Variants in SNX24 observed in about 807,000 individuals in gnomAD.
SNX24 encodes sorting nexin-24.
A neutral mutation model predicts 28.7 loss-of-function variants in SNX24; 22 were observed. The observed-to-expected ratio is 0.77, with a 90% CI of 0.55 to 1.10. SNX24 has a LOEUF of 1.10. Among genes scored for constraint, SNX24 ranks in the 50% least tolerant of loss-of-function variants. The pLI is 0.00. For synonymous variants in SNX24, 69 were observed against 71.5 expected, an observed-to-expected ratio of 0.96 and a Z score of 0.18; for missense variants, 221 against 201.1, an observed-to-expected ratio of 1.10 and a Z score of -0.60.
rs548865396 is a variant in SNX24 at position 123,008,972 on chromosome 5, A to G, written c.*1223A>G. 17 of 985,774 alleles carry G rather than the reference A, an allele frequency of 1.7e-5. No homozygotes were observed. In the African/African-American group the frequency reaches 2.8e-4, roughly 16 times the overall value. 61.1% of individuals were successfully genotyped at this position (985,774 alleles called of 1,614,324 possible). The stretch of plus-strand genomic sequence containing the variant: ...AGTTCTGTGGGAGCAAGGTATTTAA[A>G]ATCAAAACTAATAACTACATCATGG... On this transcript the variant is annotated 3_prime_UTR_variant, in exon 7 of 7. Coordinates refer to ENST00000261369, the MANE Select transcript of SNX24 (RefSeq NM_014035.4).
intron 3 of SNX24, among the ~76,000 whole-genome samples, chr5:122,962,433 A>C (rs1031182921): frequency 2.0e-5 from 3 of 152,230 alleles, no homozygotes; most frequent in Admixed American, 6.5e-5. Flanking sequence ...CTTCACTTAA[A>C]ATAATTTTTA....
At chr5:123,023,835 CA>C in intron 5 of SNX24, 3 of 1,608,166 alleles carry the variant, frequency 1.9e-6, no homozygotes, top group Middle Eastern at 1.9e-4. Context: ...CACACACACA[CA>C]CCCCTGCCAA....
chr5:122,905,447 T>G (rs1757608580), intron 1 of SNX24, among the ~76,000 whole-genome samples: 1 of 152,210 alleles, frequency 6.6e-6, no homozygotes, highest in African/African-American at 2.4e-5. Context: ...AATTTACTAC[T>G]TAACTGCATC....
At chr5:123,028,796 T>C in intron 5 of SNX24, 1 of 1,613,106 alleles carries the variant, frequency 6.2e-7, no homozygotes, top group Non-Finnish European at 8.5e-7. Context: ...TCTCCAGTGG[T>C]GATGTCACCT....
At chr5:122,958,829 G>A (rs1760334450) in intron 3 of SNX24, among the ~76,000 whole-genome samples, 1 of 151,942 alleles carries the variant, frequency 6.6e-6, no homozygotes, top group South Asian at 2.1e-4. Flanking sequence ...TAAAGTGCTG[G>A]GATTATAGGC....
At chr5:122,990,965 T>A (rs538693800) in intron 3 of SNX24, among the ~76,000 whole-genome samples, 238 of 152,262 alleles carry the variant, frequency 1.6e-3, no homozygotes, top group African/African-American at 5.2e-3. Context: ...GGCCCTATCT[T>A]GGCTTACTGC....
At chr5:123,011,803 G>A (rs550306387), downstream of SNX24, among the ~76,000 whole-genome samples, 2 of 152,194 alleles carry the variant, frequency 1.3e-5, no homozygotes, top group East Asian at 3.8e-4. Context: ...ATTGCTATGT[G>A]ATTCAGCACT....
At chr5:122,849,053 G>T (rs1020639345) in intron 1 of SNX24, among the ~76,000 whole-genome samples, 3 of 152,136 alleles carry the variant, frequency 2.0e-5, no homozygotes, top group Admixed American at 6.6e-5. Context: ...CCAGGTATCT[G>T]CTGATGGCCA....
chr5:122,906,652 G>A (rs369127643), intron 1 of SNX24, among the ~76,000 whole-genome samples: 1 of 152,278 alleles, frequency 6.6e-6, no homozygotes, highest in African/African-American at 2.4e-5. Context: ...AGGGTTACAG[G>A]CACATACCAC....
chr5:122,927,839 A>G (rs555966877), intron 1 of SNX24, among the ~76,000 whole-genome samples: 8 of 152,222 alleles, frequency 5.3e-5, no homozygotes, highest in African/African-American at 1.7e-4. Context: ...AAGCATCTCC[A>G]CGTCATGTCT....
chr5:123,017,743 G>A (rs1762704266), intron 5 of SNX24, among the ~76,000 whole-genome samples: 1 of 152,102 alleles, frequency 6.6e-6, no homozygotes, highest in Admixed American at 6.5e-5. Context: ...TGATTTTGTA[G>A]GGGAGAGTTT....
At chr5:122,866,351 A>G (rs1287769417) in intron 1 of SNX24, among the ~76,000 whole-genome samples, 3 of 151,948 alleles carry the variant, frequency 2.0e-5, no homozygotes, top group East Asian at 1.9e-4. Flanking sequence ...GTTTCACCAT[A>G]TTGGCCAGGC....
At chr5:122,886,940 G>A (rs1756745361) in intron 1 of SNX24, among the ~76,000 whole-genome samples, 1 of 152,074 alleles carries the variant, frequency 6.6e-6, no homozygotes, top group African/African-American at 2.4e-5. Context: ...TATAGGGGAT[G>A]TCTAGAATTT....
At chr5:122,973,656 C>G (rs1253603917) in intron 3 of SNX24, among the ~76,000 whole-genome samples, 1 of 152,220 alleles carries the variant, frequency 6.6e-6, no homozygotes, top group African/African-American at 2.4e-5. Flanking sequence ...TGGTGAAAAG[C>G]TGCTGTGCAT....
At chr5:122,891,055 A>G in intron 1 of SNX24, 3 of 1,528,394 alleles carry the variant, frequency 2.0e-6, no homozygotes, top group Non-Finnish European at 2.6e-6. Flanking sequence ...AGAGCCTTCC[A>G]GACAAAAATG....
chr5:122,941,979 G>A (rs1039909141), intron 2 of SNX24, among the ~76,000 whole-genome samples: 1 of 152,182 alleles, frequency 6.6e-6, no homozygotes, highest in Non-Finnish European at 1.5e-5. Context: ...AGGCTTATGA[G>A]TGCTTTCCTG....
chr5:122,964,057 G>C (rs113615021), intron 3 of SNX24, among the ~76,000 whole-genome samples: 1 of 151,680 alleles, frequency 6.6e-6, no homozygotes, highest in Non-Finnish European at 1.5e-5. Flanking sequence ...CCTGGCCAAC[G>C]TGGCGAAACC....
rs1554075533 is a variant in SNX24, at chr5:122,953,057, T to TCTTTCTTC, written c.249+6905_249+6906insCCTTTCTT. Among the ~76,000 whole-genome samples the TCTTTCTTC allele has an allele frequency of 8.0e-5, 12 of 150,070 alleles. No individual in the cohort carries two copies. In the East Asian group the frequency reaches 1.2e-3, roughly 15 times the overall value. The stretch of plus-strand genomic sequence containing the variant: ...GGTTACACAATATAAGCGATTTCTT[T>TCTTTCTTC]CTTTCTTTCTTCCTTTCTTCCTTTT... On this transcript the variant is annotated intron_variant, in intron 3 of 6. Coordinates refer to ENST00000261369, the MANE Select transcript of SNX24 (RefSeq NM_014035.4).
At chr5:122,891,942 A>G (rs1040018176) in intron 1 of SNX24, among the ~76,000 whole-genome samples, 1 of 152,234 alleles carries the variant, frequency 6.6e-6, no homozygotes, top group African/African-American at 2.4e-5. Flanking sequence ...TGGTAAGGGT[A>G]AGAATATGGG....
Sources: gnomAD v4.1 joint callset for allele counts (sites outside exome capture counted in the v4.1 genomes callset) on GRCh38, gnomAD v4.1.1 for gene constraint, MANE v1.5 for transcripts, NCBI Gene and HGNC (gene_info 2026-07-23, HGNC 2026-07-21) for gene names.